Variants in NEXMIF observed in about 807,000 individuals in gnomAD.
NEXMIF encodes the protein neurite extension and migration factor.
Under a neutral mutation model 62.1 loss-of-function variants are expected in NEXMIF, and 8 were observed. That is an observed-to-expected ratio of 0.13 (90% CI 0.08 to 0.23). The LOEUF is 0.23. Ranked by LOEUF, NEXMIF falls within the 10% of genes least tolerant of loss-of-function variation. NEXMIF has a pLI of 1.00. For synonymous variants in NEXMIF, 404 were observed against 416.6 expected (o/e 0.97, Z 0.37); for missense variants, 976 against 1,113.3 (o/e 0.88, Z 1.75).
chrX:74,890,961 A>T (rs1055189207), intron 1 of NEXMIF, among the ~76,000 whole-genome samples: 2 of 111,406 alleles, frequency 1.8e-5, no homozygotes, highest in Admixed American at 1.9e-4. Flanking sequence ...CTCAAAACAG[A>T]CCTAGAGTGG....
At chrX:74,860,863 C>T (rs1293644706) in intron 1 of NEXMIF, among the ~76,000 whole-genome samples, 1 of 110,523 alleles carries the variant, frequency 9.0e-6, no homozygotes, top group African/African-American at 3.3e-5. Context: ...CAAACCAAAC[C>T]CAAAATTAGT....
intron 1 of NEXMIF, among the ~76,000 whole-genome samples, chrX:74,856,367 G>A (rs1473074800): frequency 8.9e-6 from 1 of 111,736 alleles, no homozygotes; most frequent in East Asian, 2.8e-4. Context: ...TATTGATTGA[G>A]ATTAACCAGT....
chrX:74,852,625 C>T (rs981780730), intron 1 of NEXMIF, among the ~76,000 whole-genome samples: 19 of 111,691 alleles, frequency 1.7e-4, no homozygotes, highest in Non-Finnish European at 2.8e-4. Context: ...GTCTGAAACT[C>T]TAAATCAATA....
At chrX:74,850,882 T>C (rs1041047545) in intron 1 of NEXMIF, among the ~76,000 whole-genome samples, 2 of 109,592 alleles carry the variant, frequency 1.8e-5, no homozygotes, top group Non-Finnish European at 3.8e-5. Flanking sequence ...AAAAAAGAGA[T>C]TTATGAAATC....
chrX:74,785,290 C>T (rs1226144722), intron 1 of NEXMIF, among the ~76,000 whole-genome samples: 1 of 110,867 alleles, frequency 9.0e-6, no homozygotes, highest in Non-Finnish European at 1.9e-5. Flanking sequence ...AAACTGAGAT[C>T]AAATGGCTTG....
intron 1 of NEXMIF, among the ~76,000 whole-genome samples, chrX:74,811,787 G>T (rs1022686394): frequency 1.5e-4 from 17 of 112,701 alleles, no homozygotes; most frequent in African/African-American, 5.2e-4. Context: ...CCCCCTTTCT[G>T]GGCTCCCTAC....
At chrX:74,907,628 A>C (rs1164443395) in intron 1 of NEXMIF, among the ~76,000 whole-genome samples, 13 of 111,123 alleles carry the variant, frequency 1.2e-4, no homozygotes, top group Non-Finnish European at 2.5e-4. Flanking sequence ...GTCCTACATG[A>C]CTATCAATAT....
At chrX:74,746,323 A>G (rs768795401) in intron 1 of NEXMIF, among the ~76,000 whole-genome samples, 48 of 112,225 alleles carry the variant, frequency 4.3e-4, no homozygotes, top group Non-Finnish European at 8.3e-4. Context: ...AAATTTTTAA[A>G]AAATGTGACT....
At chrX:74,763,611 T>C (rs1190177876) in intron 1 of NEXMIF, among the ~76,000 whole-genome samples, 17 of 111,764 alleles carry the variant, frequency 1.5e-4, no homozygotes, top group African/African-American at 4.9e-4. Flanking sequence ...ATGGAATGTT[T>C]TTCCATTTGT....
intron 1 of NEXMIF, among the ~76,000 whole-genome samples, chrX:74,867,237 T>C (rs2080583520): frequency 8.9e-6 from 1 of 111,933 alleles, no homozygotes; most frequent in African/African-American, 3.3e-5. Flanking sequence ...GCTATTACCA[T>C]TACACTACCA....
Position 74,742,206 on chromosome X carries a change from C to G in NEXMIF, c.2351G>C (p.Ser784Thr), listed in dbSNP as rs770027434. The G allele has an allele frequency of 4.1e-6, 5 of 1,211,276 alleles. No individual in the cohort carries two copies. In the South Asian group the frequency reaches 8.8e-5, roughly 21 times the overall value. Residue 784 changes from serine (S) to threonine (T), a missense_variant, in exon 3 of 4, where the codon AGT (serine) becomes ACT (threonine). By Grantham distance (58) the Ser-to-Thr change is moderately conservative. Coordinates refer to ENST00000055682, the MANE Select transcript of NEXMIF (RefSeq NM_001008537.3). ...GCATGTCGTTGGTAGAAAAGTGGAA[C>G]TCTTAGCAGCCTTTGCCTCATGAAA... ...SEFHEAKAAK[S>T]STFLPTTCSS...
At chrX:74,794,849 C>T (rs1041261691) in intron 1 of NEXMIF, among the ~76,000 whole-genome samples, 14 of 111,688 alleles carry the variant, frequency 1.3e-4, no homozygotes, top group Admixed American at 4.7e-4. Context: ...GCACAGTGCG[C>T]GCACCCACTG....
rs988517617 is a variant in NEXMIF, at chrX:74,753,924, T to C, written c.-47-8227A>G. Among the ~76,000 whole-genome samples the C allele has an allele frequency of 3.6e-5, 4 of 112,156 alleles. 1 individual carries two copies. Among genetic ancestry groups the C allele is most frequent in the Non-Finnish European group, 7.5e-5 (4 of 53,228 alleles). On this transcript the variant is annotated intron_variant, in intron 1 of 3. Coordinates refer to ENST00000055682, the MANE Select transcript of NEXMIF (RefSeq NM_001008537.3). ...ACCATTTGAAATTTTGGGGGGAGAATAGAGGGACTAGGGATACCATGACAA... is the reference window on the plus strand; with the variant it reads ...ACCATTTGAAATTTTGGGGGGAGAACAGAGGGACTAGGGATACCATGACAA...
intron 1 of NEXMIF, among the ~76,000 whole-genome samples, chrX:74,753,903 T>C (rs1031221285): frequency 8.0e-5 from 9 of 112,351 alleles, no homozygotes; most frequent in African/African-American, 2.9e-4. Flanking sequence ...TAAGATACCA[T>C]TTGAAATTTT....
Position 74,733,755 on chromosome X carries a change from A to G in NEXMIF, c.*5650T>C, listed in dbSNP as rs1384122173. ...CTATAAAACAGCAAGAAGCTCACAA[A>G]TGTTCATTTTTTTTGCACAAGATCA... is the stretch of plus-strand genomic sequence containing the variant. On this transcript the variant is annotated 3_prime_UTR_variant, in exon 4 of 4. Transcript: ENST00000055682. 8.9e-6 allele frequency: 1 copy of G among 112,003 alleles called. No individual in the cohort carries two copies. Among genetic ancestry groups the G allele is most frequent in the Non-Finnish European group, 1.9e-5 (1 of 53,090 alleles). The allele number at this position is 112,003 out of a possible 1,213,427, so 9.2% of individuals were successfully genotyped here.
chrX:74,836,018 T>C lies in NEXMIF; in HGVS notation c.-48+88865A>G, dbSNP rs189534030. Among the ~76,000 whole-genome samples the C allele has an allele frequency of 1.2e-4, 13 of 113,033 alleles. No homozygotes were observed. The East Asian group carries it at 2.8e-3, about 24-fold the overall frequency. On this transcript the variant is annotated intron_variant, in intron 1 of 3. Transcript: ENST00000055682. ...ATGCAGTCTTTCCCACTCTTTCTTCTTCTTTCCACAGGCAGAGAGGCCTCT... is the reference window on the plus strand; with the variant it reads ...ATGCAGTCTTTCCCACTCTTTCTTCCTCTTTCCACAGGCAGAGAGGCCTCT...
At chrX:74,814,943 C>G (rs1465882934) in intron 1 of NEXMIF, among the ~76,000 whole-genome samples, 1 of 111,834 alleles carries the variant, frequency 8.9e-6, no homozygotes, top group Non-Finnish European at 1.9e-5. Context: ...GGCACAGAAT[C>G]TTTGCATGAA....
chrX:74,899,203 A>G (rs2080741531), intron 1 of NEXMIF, among the ~76,000 whole-genome samples: 1 of 111,906 alleles, frequency 8.9e-6, no homozygotes, highest in African/African-American at 3.2e-5. Flanking sequence ...TCTTTTCAAC[A>G]TAGTACTGGA....
intron 1 of NEXMIF, among the ~76,000 whole-genome samples, chrX:74,846,120 G>T (rs1284305623): frequency 2.7e-5 from 3 of 112,739 alleles, no homozygotes; most frequent in Non-Finnish European, 3.8e-5. Context: ...TCTTCTCCCA[G>T]CCACCCTCAA....
Sources: gnomAD v4.1 joint callset for allele counts (sites outside exome capture counted in the v4.1 genomes callset) on GRCh38, gnomAD v4.1.1 for gene constraint, MANE v1.5 for transcripts, NCBI Gene and HGNC (gene_info 2026-07-23, HGNC 2026-07-21) for gene names.